DENND1A: variants seen among roughly 807,000 people sequenced by gnomAD.
DENND1A encodes the protein DENN domain containing 1A, also known as DENN domain-containing protein 1A.
In DENND1A, 51 loss-of-function variants were observed where a neutral mutation model predicts 113.7. That is an observed-to-expected ratio of 0.45 (90% CI 0.36 to 0.57). The LOEUF is 0.57. DENND1A is among the 20% of genes least tolerant of loss of function. The probability of loss-of-function intolerance (pLI) is 0.00; values close to 1 mark genes in which losing one functional copy is unlikely to be tolerated. For missense variants in DENND1A, 1,258 were observed against 1,395.9 expected, an observed-to-expected ratio of 0.90 and a Z score of 1.57; for synonymous variants, 565 against 570.8, an observed-to-expected ratio of 0.99 and a Z score of 0.14.
chr9:123,734,723 A>G (rs2068434700), intron 5 of DENND1A, among the ~76,000 whole-genome samples: 1 of 152,164 alleles, frequency 6.6e-6, no homozygotes, highest in Non-Finnish European at 1.5e-5. Flanking sequence ...TGGAGGAGAG[A>G]ATGCACGTGA....
chr9:123,381,404 G>C lies in DENND1A; in HGVS notation c.*28C>G. 6.2e-7 allele frequency: 1 copy of C among 1,605,692 alleles called. No homozygotes were observed. Among genetic ancestry groups the C allele is most frequent in the Non-Finnish European group, 8.5e-7 (1 of 1,175,062 alleles). On this transcript the variant is annotated 3_prime_UTR_variant, in exon 24 of 24. Coordinates refer to ENST00000394215, the MANE Select transcript of DENND1A (RefSeq NM_001352964.2). This position sits in a 1 kb window ranked among gnomAD's most constrained non-coding sequence, Gnocchi z 4.7. ...AGCAGTGGACGGACCCTCGGGCCTCGGTGCATCCCCCACCCTCAGGGCCCG... is the reference window on the plus strand; with the variant it reads ...AGCAGTGGACGGACCCTCGGGCCTCCGTGCATCCCCCACCCTCAGGGCCCG...
chr9:123,702,802 G>A (rs2065958387), intron 5 of DENND1A, among the ~76,000 whole-genome samples: 1 of 152,152 alleles, frequency 6.6e-6, no homozygotes, highest in African/African-American at 2.4e-5. Flanking sequence ...CTTACAAGCA[G>A]TGCCAAAGGG....
chr9:123,452,778 A>G (rs940791678), intron 16 of DENND1A, among the ~76,000 whole-genome samples: 3 of 152,194 alleles, frequency 2.0e-5, no homozygotes, highest in Non-Finnish European at 4.4e-5. Context: ...CGGGGCAGAA[A>G]GTGGGGCCCT....
rs35223887 is a variant in DENND1A, at chr9:123,538,809, CATATATATAT to C, written c.993+18751_993+18760del. Among the ~76,000 whole-genome samples, 212 of 22,428 alleles carry C rather than the reference CATATATATAT, an allele frequency of 9.5e-3. 1 individual carries two copies. The highest frequency in any genetic ancestry group is 0.022 in the Middle Eastern group (1 of 46). The allele number at this position is 22,428 out of a possible 152,430, so 14.7% of individuals were successfully genotyped here. ...ATGAATCCAAAGGTGACAACTCATA[CATATATATAT>C]ATATATATATATATATATATATATA... On this transcript the variant is annotated intron_variant, in intron 13 of 23. Coordinates refer to ENST00000394215, the MANE Select transcript of DENND1A (RefSeq NM_001352964.2).
intron 10 of DENND1A, among the ~76,000 whole-genome samples, chr9:123,619,215 G>C (rs907170083): frequency 1.3e-5 from 2 of 152,096 alleles, no homozygotes; most frequent in African/African-American, 2.4e-5. Flanking sequence ...CCAAAGCGCT[G>C]GGATTACAGG....
intron 12 of DENND1A, among the ~76,000 whole-genome samples, chr9:123,558,500 G>A (rs139795713): frequency 7.2e-5 from 11 of 152,278 alleles, no homozygotes; most frequent in African/African-American, 2.2e-4. Context: ...TAAGCCACCA[G>A]GTCTTACATG....
In DENND1A at chr9:123,745,055, C is replaced by T. The variant is rs182957692; in HGVS notation, c.302+12648G>A. Among the ~76,000 whole-genome samples, 34 of 152,178 alleles carry T rather than the reference C, an allele frequency of 2.2e-4. No homozygotes were observed. The East Asian group carries it at 5.2e-3, about 23-fold the overall frequency. ...CCTCCCAAAGTGCAGGGATTACAGGCGTGAGCCACCGTGCCTGGCCTACTT... is the reference window on the plus strand; with the variant it reads ...CCTCCCAAAGTGCAGGGATTACAGGTGTGAGCCACCGTGCCTGGCCTACTT... On this transcript the variant is annotated intron_variant, in intron 5 of 23. Coordinates refer to ENST00000394215, the MANE Select transcript of DENND1A (RefSeq NM_001352964.2).
At chr9:123,712,099 T>C (rs2066674938) in intron 5 of DENND1A, among the ~76,000 whole-genome samples, 1 of 152,246 alleles carries the variant, frequency 6.6e-6, no homozygotes, top group Non-Finnish European at 1.5e-5. Flanking sequence ...AAACATATTA[T>C]ACCTCTAGGA....
chr9:123,411,089 G>T lies in DENND1A; in HGVS notation c.1542+687C>A, dbSNP rs538946678. Reference sequence around the variant, plus strand: ...TGTCCTGCTTCTCCATCCTTACTTGGTTTTTTTTTTTTTTTCTTTTAAGAG... The same window carrying T: ...TGTCCTGCTTCTCCATCCTTACTTGTTTTTTTTTTTTTTTTCTTTTAAGAG... On this transcript the variant is annotated intron_variant, in intron 20 of 23. Coordinates refer to ENST00000394215, the MANE Select transcript of DENND1A (RefSeq NM_001352964.2). 6.9e-4 allele frequency among the ~76,000 whole-genome samples: 97 copies of T among 141,136 alleles called. 1 individual carries two copies. Among genetic ancestry groups the T allele is most frequent in the South Asian group, 4.8e-3 (21 of 4,370 alleles). The allele number at this position is 141,136 out of a possible 152,430, so 92.6% of individuals were successfully genotyped here.
At chr9:123,530,272 G>C (rs1393713748) in intron 13 of DENND1A, among the ~76,000 whole-genome samples, 1 of 152,114 alleles carries the variant, frequency 6.6e-6, no homozygotes, top group Non-Finnish European at 1.5e-5. Flanking sequence ...TAAAATCACA[G>C]AATATAAGGC....
chr9:123,854,244 A>G (rs1158966508), intron 2 of DENND1A, among the ~76,000 whole-genome samples: 1 of 152,222 alleles, frequency 6.6e-6, no homozygotes, highest in Admixed American at 6.5e-5. Flanking sequence ...CCTAGCCCTC[A>G]GCTGATTCTC....
At chr9:123,498,709 A>C (rs1588856303) in intron 13 of DENND1A, among the ~76,000 whole-genome samples, 1 of 149,570 alleles carries the variant, frequency 6.7e-6, no homozygotes, top group African/African-American at 2.5e-5. Context: ...AAATCACTTA[A>C]CCAGTCTCTC....
chr9:123,857,735 G>C (rs1476472837), intron 2 of DENND1A, among the ~76,000 whole-genome samples: 1 of 152,130 alleles, frequency 6.6e-6, no homozygotes, highest in Non-Finnish European at 1.5e-5. Flanking sequence ...GTCAAGGAAA[G>C]ACTGAGAACC....
At chr9:123,578,788 T>C (rs572323547) in intron 12 of DENND1A, among the ~76,000 whole-genome samples, 4 of 152,058 alleles carry the variant, frequency 2.6e-5, no homozygotes, top group Non-Finnish European at 2.9e-5. Context: ...TGTGGGGACA[T>C]AGAGAAAGAT....
chr9:123,457,684 C>A, intron 14 of DENND1A, 109 bp downstream of exon 14: 1 of 1,090,690 alleles, frequency 9.2e-7, no homozygotes, highest in South Asian at 1.6e-5. Context: ...CCTCTTTTGC[C>A]TGGGGCCTGA....
At chr9:123,480,801 G>A (rs75313719) in intron 13 of DENND1A, among the ~76,000 whole-genome samples, 11 of 152,318 alleles carry the variant, frequency 7.2e-5, no homozygotes, top group Non-Finnish European at 1.3e-4. Flanking sequence ...GAACACACGT[G>A]TGTCGAATGA....
intron 21 of DENND1A, among the ~76,000 whole-genome samples, chr9:123,399,377 A>T (rs966103339): frequency 1.3e-5 from 2 of 151,788 alleles, no homozygotes; most frequent in Non-Finnish European, 2.9e-5. Context: ...TTTTTATTTT[A>T]TTTTTTGAGA....
At chr9:123,574,173 C>CT (rs542615815) in intron 12 of DENND1A, among the ~76,000 whole-genome samples, 4,742 of 109,856 alleles carry the variant, frequency 0.043, 145 homozygotes, top group African/African-American at 0.087. Flanking sequence ...CTGTAGTTGC[C>CT]TTTTTTTTTT....
At chr9:123,629,677 A>G (rs1490043130) in intron 10 of DENND1A, among the ~76,000 whole-genome samples, 2 of 152,342 alleles carry the variant, frequency 1.3e-5, no homozygotes, top group Admixed American at 6.5e-5. Flanking sequence ...TCCTTCTACT[A>G]AAGTCTGTTT....
Sources: gnomAD v4.1 joint callset for allele counts (sites outside exome capture counted in the v4.1 genomes callset) on GRCh38, gnomAD v4.1.1 for gene constraint, Gnocchi (gnomAD v3.1) non-coding constraint, MANE v1.5 for transcripts, NCBI Gene and HGNC (gene_info 2026-07-23, HGNC 2026-07-21) for gene names.